EIF4G1: variants seen among roughly 807,000 people sequenced by gnomAD.
The protein encoded by EIF4G1 is EIF4-gamma.
EIF4G1 carries 4 observed loss-of-function variants against 187.8 expected under a neutral mutation model. That is an observed-to-expected ratio of 0.02 (90% confidence interval 0.01 to 0.05). The LOEUF is 0.05. EIF4G1 is among the 10% of genes least tolerant of loss of function. The pLI, the probability that EIF4G1 is intolerant of heterozygous loss-of-function variation, is 1.00. For missense variants in EIF4G1, 1,647 were observed against 2,081.1 expected (o/e 0.79, Z 4.06); for synonymous variants, 844 against 781.4 (o/e 1.08, Z -1.34).
At chr3:184,326,742 AGAG>A (rs1725000986) in intron 22 of EIF4G1, 113 bp downstream of exon 22, 6 of 1,480,648 alleles carry the variant, frequency 4.1e-6, no homozygotes, top group Admixed American at 1.7e-5. Flanking sequence ...TGCGGGCAAT[AGAG>A]GAGGTTTGTG....
chr3:184,326,451 T>C (rs1251380111), intron 21 of EIF4G1, 76 bp from the exon 22 acceptor site: 31 of 1,481,956 alleles, frequency 2.1e-5, no homozygotes, highest in African/African-American at 2.8e-5. Flanking sequence ...ACTACCTGTT[T>C]GGTTGCATAT....
Position 184,315,817 on chromosome 3 carries a change from C to A in EIF4G1, c.21C>A (p.Ser7=). 1 of 1,551,592 alleles carries A rather than the reference C, an allele frequency of 6.4e-7. No homozygotes were observed. The highest frequency in any genetic ancestry group is 8.7e-7 in the Non-Finnish European group (1 of 1,146,926). The change falls in exon 3 of 33, where the codon TCC becomes TCA. Residue 7 remains serine (S), a synonymous_variant. Transcript: ENST00000346169. ...ATGAAATGAACAAAGCTCCACAGTC[C>A]ACAGGCCCCCCACCCGCCCCATCCC... MNKAPQ[S]TGPPPAPSPG...
At position 184,325,704 on chromosome 3, in the gene EIF4G1, A is replaced by G. The variant is rs1560221455; in HGVS notation, c.3121+65A>G. 1 of 1,613,552 alleles carries G rather than the reference A, an allele frequency of 6.2e-7. No homozygotes were observed. Among genetic ancestry groups the G allele is most frequent in the East Asian group, 2.2e-5 (1 of 44,866 alleles). On this transcript the variant is annotated intron_variant, in intron 20 of 32. Transcript: ENST00000346169. This position sits in a 1 kb window ranked among gnomAD's most constrained non-coding sequence, Gnocchi z 5.2. ...GACCGGGAGGTTATACTTTCCTCTGATGACTTCCTGTTAGTGCCACGTGTC... is the reference window on the plus strand; with the variant it reads ...GACCGGGAGGTTATACTTTCCTCTGGTGACTTCCTGTTAGTGCCACGTGTC...
At chr3:184,317,192 G>C in intron 4 of EIF4G1, 129 bp from the exon 5 acceptor site, 1 of 1,107,870 alleles carries the variant, frequency 9.0e-7, no homozygotes, top group Non-Finnish European at 1.4e-6. Flanking sequence ...AAGTGGTCTT[G>C]GAAGGATTGG....
chr3:184,331,317 G>A lies in EIF4G1; in HGVS notation c.4213G>A (p.Glu1405Lys), dbSNP rs1726054134. 6.2e-7 allele frequency: 1 copy of A among 1,614,098 alleles called. No homozygotes were observed. Among genetic ancestry groups the A allele is most frequent in the South Asian group, 1.1e-5 (1 of 91,086 alleles). The change falls in exon 29 of 33, where the codon GAA becomes AAA. Residue 1405 changes from glutamate (E) to lysine (K), a missense_variant. Glu to Lys is a moderately conservative substitution (Grantham distance 56, BLOSUM62 1). Transcript: ENST00000346169. ...LWREAGLSWK[E>K]FLPEGQDIGA... ...GCGAGAAGCCGGGCTTAGCTGGAAGGAATTTCTACCTGAAGGCCAGGACAT... is the reference window on the plus strand; with the variant it reads ...GCGAGAAGCCGGGCTTAGCTGGAAGAAATTTCTACCTGAAGGCCAGGACAT...
At position 184,328,975 on chromosome 3, in the gene EIF4G1, C is replaced by T; in HGVS notation, c.4146C>T (p.Leu1382=). The change falls in exon 28 of 33, where the codon CTC becomes CTT. Residue 1382 remains leucine, a synonymous_variant. Coordinates refer to ENST00000346169, the MANE Select transcript of EIF4G1 (RefSeq NM_198241.3). ...CCCTGTTGCTGGAGATCCTGGGCCT[C>T]CTGTGCAAAAGCATGGTGAGTGAGG... ...AASLLLEILG[L]LCKSMGPKKV... The T allele has an allele frequency of 6.2e-7, 1 of 1,614,134 alleles. No individual in the cohort carries two copies. The highest frequency in any genetic ancestry group is 1.1e-5 in the South Asian group (1 of 91,074).
At chr3:184,314,981 C>T (rs1172923979) in intron 1 of EIF4G1, among the ~76,000 whole-genome samples, 2 of 151,316 alleles carry the variant, frequency 1.3e-5, no homozygotes, top group Admixed American at 6.6e-5. Flanking sequence ...CCCGGCAGCC[C>T]ACGGGCGCAG....
chr3:184,315,735 C>G, intron 2 of EIF4G1, 28 bp from the exon 3 acceptor site: 1 of 1,531,990 alleles, frequency 6.5e-7, no homozygotes, highest in Non-Finnish European at 8.9e-7. Flanking sequence ...GTCCCTTCCT[C>G]TTCCTGAGCG....
intron 7 of EIF4G1, chr3:184,320,417 CTG>C: frequency 6.8e-7 from 1 of 1,469,970 alleles, no homozygotes; most frequent in Non-Finnish European, 9.0e-7. Flanking sequence ...CAGGGCTGCT[CTG>C]TGAGATCAAG....
At chr3:184,324,004 A>T in intron 16 of EIF4G1, 27 bp downstream of exon 16, 1 of 1,613,054 alleles carries the variant, frequency 6.2e-7, no homozygotes, top group Admixed American at 1.7e-5. Flanking sequence ...TTCTAAATCT[A>T]ATGGTCTGGT....
In EIF4G1 at chr3:184,328,459, G is replaced by A. The variant is rs540097944; in HGVS notation, c.3954-172G>A. 205 of 903,174 alleles carry A rather than the reference G, an allele frequency of 2.3e-4. 3 individuals are homozygous for A. The highest frequency in any genetic ancestry group is 2.2e-3 in the South Asian group (159 of 71,528). 55.9% of individuals were successfully genotyped at this position (903,174 alleles called of 1,614,324 possible). On this transcript the variant is annotated intron_variant, in intron 26 of 32. Coordinates refer to ENST00000346169, the MANE Select transcript of EIF4G1 (RefSeq NM_198241.3). Reference sequence around the variant, plus strand: ...TCAGCATAACTTTAGGGGGTTAAGCGGGGTGAAAACCATCTAAGGACACAG... The same window carrying A: ...TCAGCATAACTTTAGGGGGTTAAGCAGGGTGAAAACCATCTAAGGACACAG...
intron 7 of EIF4G1, chr3:184,320,307 T>C (rs2108479589): frequency 6.3e-6 from 8 of 1,267,382 alleles, no homozygotes; most frequent in Non-Finnish European, 6.0e-6. Flanking sequence ...AGTGAGCCGA[T>C]TGGGTTCTAG....
At chr3:184,324,438 G>A in intron 17 of EIF4G1, 91 bp downstream of exon 17, 1 of 1,587,040 alleles carries the variant, frequency 6.3e-7, no homozygotes, top group East Asian at 2.3e-5. Flanking sequence ...AATGGAGGTA[G>A]TGGTGTCTTG....
intron 8 of EIF4G1, 83 bp downstream of exon 8, chr3:184,320,805 A>G: frequency 1.2e-6 from 2 of 1,609,120 alleles, no homozygotes; most frequent in Middle Eastern, 1.7e-4. Context: ...TTTTCTTTCA[A>G]CTAAGGGATT....
chr3:184,325,898 A>G lies in EIF4G1; in HGVS notation c.3169A>G (p.Ile1057Val), dbSNP rs763555450. ...TGATGGTGGCTGGAACACAGTTCCC[A>G]TCAGCAAAGGTAGCCGCCCCATTGA... ...VDDGGWNTVP[I>V]SKGSRPIDTS... Residue 1057 changes from isoleucine (I) to valine (V), a missense_variant, in exon 21 of 33, where the codon ATC becomes GTC. By Grantham distance (29) the Ile-to-Val change is conservative. Around this residue, in one of 11 missense-constraint regions of EIF4G1, gnomAD observed 142 missense variants for 296.6 expected, o/e 0.48. Coordinates refer to ENST00000346169, the MANE Select transcript of EIF4G1 (RefSeq NM_198241.3). This position sits in a 1 kb window ranked among gnomAD's most constrained non-coding sequence, Gnocchi z 5.2. 1.2e-6 allele frequency: 2 copies of G among 1,614,164 alleles called. No homozygotes were observed. The highest frequency in any genetic ancestry group is 1.7e-5 in the Admixed American group (1 of 60,016).
chr3:184,325,686 A>T lies in EIF4G1; in HGVS notation c.3121+47A>T, dbSNP rs752970524. On this transcript the variant is annotated intron_variant, in intron 20 of 32. Transcript: ENST00000346169. This position sits in a 1 kb window ranked among gnomAD's most constrained non-coding sequence, Gnocchi z 5.2. ...AGAAGGGAGCAGTGAAGGGACCGGG[A>T]GGTTATACTTTCCTCTGATGACTTC... 6.2e-7 allele frequency: 1 copy of T among 1,613,762 alleles called. No homozygotes were observed. The highest frequency in any genetic ancestry group is 1.7e-5 in the Admixed American group (1 of 59,982).
At position 184,325,324 on chromosome 3, in the gene EIF4G1, C is replaced by G; in HGVS notation, c.2912C>G (p.Thr971Arg). 6.2e-7 allele frequency: 1 copy of G among 1,614,180 alleles called. No individual in the cohort carries two copies. Among genetic ancestry groups the G allele is most frequent in the Non-Finnish European group, 8.5e-7 (1 of 1,180,026 alleles). The stretch of plus-strand genomic sequence containing the variant: ...GAAAAAATCATTAAAGAAAAGAAGA[C>G]GTCATCCCGCATCCGCTTTATGCTG... ...QMEKIIKEKK[T>R]SSRIRFMLQD... Residue 971 changes from threonine (T) to arginine (R), a missense_variant, in exon 19 of 33, where the codon ACG becomes AGG. Thr to Arg is a moderately conservative substitution (Grantham distance 71). This residue lies in a region of EIF4G1 where 142 missense variants were observed against 296.6 expected (regional missense o/e 0.48). Transcript: ENST00000346169. The surrounding 1 kb of genome is among the most constrained non-coding windows in gnomAD (Gnocchi z 5.2).
chr3:184,317,240 C>CT (rs1560206948), intron 4 of EIF4G1, 81 bp from the exon 5 acceptor site: 1 of 1,491,258 alleles, frequency 6.7e-7, no homozygotes, highest in Non-Finnish European at 9.3e-7. Flanking sequence ...TCTTTCCAGG[C>CT]TATAGAGACA....
intron 32 of EIF4G1, 98 bp downstream of exon 32, chr3:184,332,184 G>A: frequency 6.4e-7 from 1 of 1,556,500 alleles, no homozygotes; most frequent in Non-Finnish European, 8.8e-7. Flanking sequence ...AAGAAAGGTA[G>A]GTAGTCATTA....
Sources: gnomAD v4.1 joint callset for allele counts (sites outside exome capture counted in the v4.1 genomes callset) on GRCh38, gnomAD v4.1.1 for gene constraint, gnomAD v4.1.1 regional missense constraint, Gnocchi (gnomAD v3.1) non-coding constraint, MANE v1.5 for transcripts, NCBI Gene and HGNC (gene_info 2026-07-23, HGNC 2026-07-21) for gene names.